Variants in LMBR1 observed in about 807,000 individuals in gnomAD.
The protein encoded by LMBR1 is limb development membrane protein 1.
Under a neutral mutation model 73.9 loss-of-function variants are expected in LMBR1, and 52 were observed. The observed-to-expected ratio is 0.70, with a 90% CI of 0.56 to 0.89. The LOEUF (loss-of-function observed/expected upper bound fraction) is 0.89. Ranked by LOEUF, LMBR1 falls within the 40% of genes least tolerant of loss-of-function variation. LMBR1 has a pLI of 0.00. For missense variants in LMBR1, 539 were observed against 579.8 expected (o/e 0.93, Z 0.72); for synonymous variants, 215 against 209.4 (o/e 1.03, Z -0.23).
intron 4 of LMBR1, among the ~76,000 whole-genome samples, chr7:156,809,727 T>C (rs74766396): frequency 0.032 from 4,840 of 152,316 alleles, 124 homozygotes; most frequent in South Asian, 0.085. Flanking sequence ...GCTTGCATTG[T>C]TTCCCACCAG....
In LMBR1 at chr7:156,892,938, C is replaced by T; in HGVS notation, c.56G>A (p.Arg19Gln). ...AREQHFHSQV[R>Q]ESTICFLLFA... ...TCGGTCCCCACGCACCGTGGACTCCCGCACTTGGCTGTGGAAGTGCTGCTC... is the reference window on the plus strand; with the variant it reads ...TCGGTCCCCACGCACCGTGGACTCCTGCACTTGGCTGTGGAAGTGCTGCTC... The change falls in exon 1 of 17, where the codon CGG (arginine) becomes CAG (glutamine). Residue 19 changes from arginine to glutamine, a missense_variant. Arg to Gln is a conservative substitution (Grantham distance 43, BLOSUM62 1). This residue lies in a region of LMBR1 where 454 missense variants were observed against 473.4 expected (regional missense o/e 0.96). Coordinates refer to ENST00000353442, the MANE Select transcript of LMBR1 (RefSeq NM_022458.4). 1 of 1,538,420 alleles carries T rather than the reference C, an allele frequency of 6.5e-7. No homozygotes were observed.
intron 4 of LMBR1, among the ~76,000 whole-genome samples, chr7:156,800,502 A>AAAAAAAAAAAAAAATT (rs1830773212): frequency 6.7e-6 from 1 of 149,886 alleles, no homozygotes. Context: ...AAAAAAAAAG[A>AAAAAAAAAAAAAAATT]TTTTCAAAAT....
intron 15 of LMBR1, among the ~76,000 whole-genome samples, chr7:156,720,281 AG>A (rs924970691): frequency 1.7e-4 from 26 of 152,356 alleles, no homozygotes; most frequent in African/African-American, 6.3e-4. Flanking sequence ...TTACCTCTTA[AG>A]GTTCCCTCCA....
At chr7:156,838,769 T>G (rs751001046) in intron 1 of LMBR1, among the ~76,000 whole-genome samples, 1 of 152,110 alleles carries the variant, frequency 6.6e-6, no homozygotes, top group African/African-American at 2.4e-5. Flanking sequence ...GCAGCTCTAT[T>G]TTTAATTTTT....
At chr7:156,890,917 G>A (rs1042864915) in intron 1 of LMBR1, among the ~76,000 whole-genome samples, 18 of 152,078 alleles carry the variant, frequency 1.2e-4, no homozygotes, top group African/African-American at 3.9e-4. Context: ...CCAGCCCGGC[G>A]TGGTGGCTCA....
intron 4 of LMBR1, among the ~76,000 whole-genome samples, chr7:156,824,633 A>G (rs533143588): frequency 6.6e-6 from 1 of 152,206 alleles, no homozygotes; most frequent in Admixed American, 6.5e-5. Flanking sequence ...CTTGAACCCA[A>G]GAGTTCAAAA....
At chr7:156,790,551 G>C (rs1829030584) in intron 5 of LMBR1, among the ~76,000 whole-genome samples, 2 of 151,896 alleles carry the variant, frequency 1.3e-5, no homozygotes, top group Non-Finnish European at 2.9e-5. Context: ...TCAATACTGA[G>C]AGGCAAAGAT....
At chr7:156,858,257 T>G (rs1348616625) in intron 1 of LMBR1, among the ~76,000 whole-genome samples, 1 of 152,062 alleles carries the variant, frequency 6.6e-6, no homozygotes, top group East Asian at 1.9e-4. Context: ...AAGGGGCCAT[T>G]ACTCCTGTTT....
intron 4 of LMBR1, among the ~76,000 whole-genome samples, chr7:156,671,593 G>C (rs1034798215): frequency 7.2e-5 from 11 of 152,204 alleles, no homozygotes; most frequent in African/African-American, 2.7e-4. Context: ...TATAAGTTCA[G>C]CTTCTAGATT....
intron 9 of LMBR1, among the ~76,000 whole-genome samples, chr7:156,740,269 G>A (rs1290765714): frequency 6.6e-6 from 1 of 152,018 alleles, no homozygotes; most frequent in Non-Finnish European, 1.5e-5. Flanking sequence ...AGCCTAAAAG[G>A]AGCAAATCTA....
intron 15 of LMBR1, among the ~76,000 whole-genome samples, chr7:156,690,573 C>G (rs1563140885): frequency 1.3e-5 from 2 of 152,164 alleles, no homozygotes; most frequent in Non-Finnish European, 2.9e-5. Flanking sequence ...AACTTGGTAT[C>G]TTGAGACTCA....
chr7:156,786,247 G>A lies in LMBR1; in HGVS notation c.423+10142C>T, dbSNP rs569997195. Among the ~76,000 whole-genome samples, 367 of 145,302 alleles carry A rather than the reference G, an allele frequency of 2.5e-3. 3 individuals carry two copies. The highest frequency in any genetic ancestry group is 8.8e-3 in the African/African-American group (345 of 39,110). ...AGGGAAGAGAAGGAGGAAGGAGGAA[G>A]GAGGAAGGAGGAAGGGAAGGGAAGG... On this transcript the variant is annotated intron_variant, in intron 5 of 16. Coordinates refer to ENST00000353442, the MANE Select transcript of LMBR1 (RefSeq NM_022458.4).
At chr7:156,718,976 G>A (rs1001957138) in intron 15 of LMBR1, among the ~76,000 whole-genome samples, 1 of 151,830 alleles carries the variant, frequency 6.6e-6, no homozygotes, top group Admixed American at 6.6e-5. Flanking sequence ...GGTGGTCTGG[G>A]CAATGATTTT....
chr7:156,871,212 A>G (rs143040802), intron 1 of LMBR1, among the ~76,000 whole-genome samples: 1 of 152,324 alleles, frequency 6.6e-6, no homozygotes, highest in East Asian at 1.9e-4. Context: ...ATTCCTAGAA[A>G]CATAACACCC....
chr7:156,672,304 T>C (rs1585112813), intron 4 of LMBR1, among the ~76,000 whole-genome samples: 1 of 151,982 alleles, frequency 6.6e-6, no homozygotes, highest in Admixed American at 6.6e-5. Flanking sequence ...CGACGACAGG[T>C]GCAAAACCCT....
At chr7:156,864,022 C>T (rs979271731) in intron 1 of LMBR1, among the ~76,000 whole-genome samples, 1 of 152,158 alleles carries the variant, frequency 6.6e-6, no homozygotes, top group East Asian at 1.9e-4. Flanking sequence ...GCTGTGGTGG[C>T]ACACACCTGC....
At chr7:156,880,703 A>G (rs992856924) in intron 1 of LMBR1, among the ~76,000 whole-genome samples, 2 of 152,110 alleles carry the variant, frequency 1.3e-5, no homozygotes, top group African/African-American at 2.4e-5. Flanking sequence ...CCAAGGATGG[A>G]GTGCAGTGAC....
chr7:156,725,901 A>G, intron 12 of LMBR1, 64 bp from the exon 13 acceptor site: 1 of 1,237,406 alleles, frequency 8.1e-7, no homozygotes, highest in East Asian at 2.3e-5. Flanking sequence ...TCCCTAAAAC[A>G]GCTGTTTCAT....
At chr7:156,714,152 G>C (rs1812692114) in intron 15 of LMBR1, among the ~76,000 whole-genome samples, 1 of 152,310 alleles carries the variant, frequency 6.6e-6, no homozygotes, top group South Asian at 2.1e-4. Context: ...CCGCATATGT[G>C]TGCTAAATGT....
Sources: gnomAD v4.1 joint callset for allele counts (sites outside exome capture counted in the v4.1 genomes callset) on GRCh38, gnomAD v4.1.1 for gene constraint, gnomAD v4.1.1 regional missense constraint, MANE v1.5 for transcripts, NCBI Gene and HGNC (gene_info 2026-07-23, HGNC 2026-07-21) for gene names.